The following SAMD11 variants were observed in gnomAD, a reference collection of about 807,000 sequenced individuals.
SAMD11 encodes the protein sterile alpha motif domain-containing protein 11.
SAMD11 carries 77 observed loss-of-function variants against 64.4 expected under a neutral mutation model. That is an observed-to-expected ratio of 1.20 (90% CI 0.99 to 1.44). The LOEUF (loss-of-function observed/expected upper bound fraction) is 1.44, where lower values mean the gene tolerates loss of function less well. Among genes scored for constraint, SAMD11 ranks in the 40% most tolerant of loss-of-function variants. SAMD11 has a pLI of 0.00. For missense variants in SAMD11, 1,402 were observed against 943.3 expected, an observed-to-expected ratio of 1.49 and a Z score of -6.37; for synonymous variants, 658 against 421.9, an observed-to-expected ratio of 1.56 and a Z score of -6.86.
At position 942,766 on chromosome 1, in the gene SAMD11, C is replaced by T; in HGVS notation, c.1761C>T (p.Ser587=). 2.6e-6 allele frequency: 4 copies of T among 1,531,780 alleles called. 1 individual carries two copies. In the South Asian group the frequency reaches 3.6e-5, roughly 14 times the overall value. The allele number at this position is 1,531,780 out of a possible 1,614,324, so 94.9% of individuals were successfully genotyped here. Residue 587 remains serine (S), a synonymous_variant, in exon 11 of 14, where the codon TCC becomes TCT. Transcript: ENST00000616016. ...GPPGSGPPTP[S]RDSARRAPRK... ...CGGGCTCCGGACCCCCCACCCCGTC[C>T]CGGGACTCTGCCCGGCGAGCCCCCC...
At chr1:938,104 G>A (rs1327434932) in intron 5 of SAMD11, among the ~76,000 whole-genome samples, 1 of 152,130 alleles carries the variant, frequency 6.6e-6, no homozygotes, top group Non-Finnish European at 1.5e-5. Flanking sequence ...GACCCCCAGG[G>A]CGTGGAGTCA....
rs373443477 is a variant in SAMD11, at chr1:944,015, G to A, written c.2397G>A (p.Glu799=). Residue 799 remains glutamate, a synonymous_variant, in exon 14 of 14, where the codon GAG becomes GAA. Coordinates refer to ENST00000616016, the MANE Select transcript of SAMD11 (RefSeq NM_001385641.1). ...RAPERELGTG[E]QPLSPTTATS... is the part of the protein sequence containing the mutation. ...CGGAGCGAGAACTCGGCACAGGAGA[G>A]CAGCCCTTGTCCCCCACGACGGCCA... is the stretch of plus-strand genomic sequence containing the variant. The A allele has an allele frequency of 5.0e-6, 8 of 1,612,806 alleles. No individual in the cohort carries two copies. The highest frequency in any genetic ancestry group is 3.3e-5 in the South Asian group (3 of 91,090).
At chr1:935,248 C>T (rs1188981313) in intron 4 of SAMD11, among the ~76,000 whole-genome samples, 11 of 152,144 alleles carry the variant, frequency 7.2e-5, no homozygotes, top group Admixed American at 6.5e-4. Context: ...GCGAGCTGCA[C>T]GTGTCTGCCG....
chr1:943,870 G>A lies in SAMD11; in HGVS notation c.2290-38G>A, dbSNP rs955946987. Reference sequence around the variant, plus strand: ...CACAGCTGGGCAGAAAGCTCTGGGTGGGTGTGCGACAGCCCCCACCAGGCC... The same window carrying A: ...CACAGCTGGGCAGAAAGCTCTGGGTAGGTGTGCGACAGCCCCCACCAGGCC... On this transcript the variant is annotated intron_variant, in intron 13 of 13. Transcript: ENST00000616016. The A allele has an allele frequency of 3.1e-6, 5 of 1,612,880 alleles. No individual in the cohort carries two copies. The African/African-American group carries it at 6.7e-5, about 22-fold the overall frequency.
chr1:927,058 T>G (rs1280170229), intron 2 of SAMD11, among the ~76,000 whole-genome samples: 1 of 152,064 alleles, frequency 6.6e-6, no homozygotes, highest in East Asian at 1.9e-4. Flanking sequence ...CCCTCAGACA[T>G]ACAGCATGTT....
rs149145706 is a variant in SAMD11, at chr1:935,872, C to T, written c.943C>T (p.Leu315=). The T allele has an allele frequency of 8.9e-5, 143 of 1,612,750 alleles. No individual in the cohort carries two copies. The highest frequency in any genetic ancestry group is 1.6e-4 in the Middle Eastern group (1 of 6,076). ...CCGCTGTGAATTCCAGAGAGGCAGC[C>T]TGGAGATTGGCCTGCGACCCGCCGG... is the stretch of plus-strand genomic sequence containing the variant. ...QSRCEFQRGS[L]EIGLRPAGDL... The change falls in exon 5 of 14, where the codon CTG becomes TTG. Residue 315 remains leucine (L), a synonymous_variant. Coordinates refer to ENST00000616016, the MANE Select transcript of SAMD11 (RefSeq NM_001385641.1).
Position 939,332 on chromosome 1 carries a change from G to C in SAMD11, c.1115G>C (p.Arg372Pro). Residue 372 changes from arginine to proline, a missense_variant, in exon 7 of 14, where the codon CGC becomes CCC. Transcript: ENST00000616016. ...AGCATGGCCCCGGAGGACCATTACC[G>C]CCGGCTTGTGTCAGCACTGAGCGAG... ...GPSMAPEDHYRRLVSALSEAS... is the reference protein window; with the variant it reads ...GPSMAPEDHYPRLVSALSEAS... The C allele has an allele frequency of 6.2e-7, 1 of 1,611,926 alleles. No homozygotes were observed. The highest frequency in any genetic ancestry group is 8.5e-7 in the Non-Finnish European group (1 of 1,179,644).
At chr1:925,474 T>A (rs57816555) in intron 1 of SAMD11, among the ~76,000 whole-genome samples, 1 of 151,806 alleles carries the variant, frequency 6.6e-6, no homozygotes, top group South Asian at 2.1e-4. Flanking sequence ...ACACAGGGGG[T>A]GCGGTGAGCG....
intron 2 of SAMD11, among the ~76,000 whole-genome samples, chr1:927,133 G>T (rs1640933449): frequency 6.6e-6 from 1 of 152,202 alleles, no homozygotes; most frequent in South Asian, 2.1e-4. Context: ...ATCCGACATG[G>T]ACCTGCACGC....
chr1:944,506 A>ACCAGC lies in SAMD11; in HGVS notation c.*369_*373dup, dbSNP rs534332180. On this transcript the variant is annotated 3_prime_UTR_variant, in exon 14 of 14. Transcript: ENST00000616016. ...ACAGCTGTGGGGCTTCAGCAGCCAC[A>ACCAGC]CCAGCCCAGCCCAGCCCAGCTCTCG... The ACCAGC allele has an allele frequency of 5.5e-4, 348 of 636,446 alleles. 1 individual carries two copies. Among genetic ancestry groups the ACCAGC allele is most frequent in the African/African-American group, 3.3e-3 (176 of 53,430 alleles). The allele number at this position is 636,446 out of a possible 1,614,324, so 39.4% of individuals were successfully genotyped here.
rs776691678 is a variant in SAMD11 at position 941,170 on chromosome 1, G to A, written c.1222G>A (p.Ala408Thr). 15 of 1,601,640 alleles carry A rather than the reference G, an allele frequency of 9.4e-6. 1 individual carries two copies. The South Asian group carries it at 1.5e-4, about 16-fold the overall frequency. ...TCTCCTGAGGGTCCGGCAGGAGGTGGCGGCTGCAGCTCTGAGGGGCCCCAG... is the reference window on the plus strand; with the variant it reads ...TCTCCTGAGGGTCCGGCAGGAGGTGACGGCTGCAGCTCTGAGGGGCCCCAG... ...HDLLRVRQEV[A>T]AAALRGPSGL... The change falls in exon 8 of 14, where the codon GCG becomes ACG. Residue 408 changes from alanine to threonine, a missense_variant. Physicochemically the swap from Ala to Thr is moderately conservative, Grantham distance 58 (BLOSUM62 0). Transcript: ENST00000616016.
intron 7 of SAMD11, among the ~76,000 whole-genome samples, chr1:940,822 T>C (rs1053791106): frequency 3.3e-5 from 5 of 152,178 alleles, no homozygotes; most frequent in Non-Finnish European, 7.4e-5. Context: ...ACTCTCTCGC[T>C]GCCCCGCAGG....
At position 939,299 on chromosome 1, in the gene SAMD11, T is replaced by C; in HGVS notation, c.1082T>C (p.Leu361Pro). ...PQEALLLPRE[L>P]GPSMAPEDHY... ...GAGGCGCTGCTGCTGCCGCGGGAGC[T>C]GGGGCCCAGCATGGCCCCGGAGGAC... is the stretch of plus-strand genomic sequence containing the variant. Residue 361 changes from leucine (L) to proline (P), a missense_variant, in exon 7 of 14, where the codon CTG becomes CCG. Coordinates refer to ENST00000616016, the MANE Select transcript of SAMD11 (RefSeq NM_001385641.1). 6.2e-7 allele frequency: 1 copy of C among 1,609,524 alleles called. No individual in the cohort carries two copies. Among genetic ancestry groups the C allele is most frequent in the Non-Finnish European group, 8.5e-7 (1 of 1,178,670 alleles).
Position 942,757 on chromosome 1 carries a change from C to G in SAMD11, c.1752C>G (p.Pro584=), listed in dbSNP as rs992819326. The change falls in exon 11 of 14, where the codon CCC becomes CCG. Residue 584 remains proline (P), a synonymous_variant. Coordinates refer to ENST00000616016, the MANE Select transcript of SAMD11 (RefSeq NM_001385641.1). ...PPQGPPGSGP[P]TPSRDSARRA... is the part of the protein sequence containing the mutation. ...AGGGGCCCCCGGGCTCCGGACCCCC[C>G]ACCCCGTCCCGGGACTCTGCCCGGC... is the stretch of plus-strand genomic sequence containing the variant. 7 of 1,518,174 alleles carry G rather than the reference C, an allele frequency of 4.6e-6. No individual in the cohort carries two copies. Among genetic ancestry groups the G allele is most frequent in the South Asian group, 1.2e-5 (1 of 81,576 alleles). The allele number at this position is 1,518,174 out of a possible 1,614,324, so 94.0% of individuals were successfully genotyped here. A position where few individuals can be genotyped will look rare whatever the true frequency, so the allele number is the denominator to read the frequency against.
chr1:942,298 C>A, intron 9 of SAMD11, 47 bp downstream of exon 9: 1 of 1,032,436 alleles, frequency 9.7e-7, no homozygotes, highest in Non-Finnish European at 1.3e-6. Flanking sequence ...TGGAGGCTCG[C>A]GGACCCGGCC....
chr1:936,015 T>A, intron 5 of SAMD11, 119 bp downstream of exon 5: 1 of 1,063,366 alleles, frequency 9.4e-7, no homozygotes, highest in Non-Finnish European at 1.4e-6. Context: ...GAGCGGCCTG[T>A]CCCCCAGGGG....
rs566461417 is a variant in SAMD11, at chr1:928,285, G to A, written c.610-1870G>A. Reference sequence around the variant, plus strand: ...CGGGTGCCTGTAGTCCCAGCTACTTGGGAGGCTGAGGCAGGAGAATGGCAT... The same window carrying A: ...CGGGTGCCTGTAGTCCCAGCTACTTAGGAGGCTGAGGCAGGAGAATGGCAT... On this transcript the variant is annotated intron_variant, in intron 2 of 13. Coordinates refer to ENST00000616016, the MANE Select transcript of SAMD11 (RefSeq NM_001385641.1). 3.7e-3 allele frequency among the ~76,000 whole-genome samples: 567 copies of A among 152,336 alleles called. 4 individuals are homozygous for A. The highest frequency in any genetic ancestry group is 5.4e-3 in the Admixed American group (82 of 15,304).
chr1:932,260 TC>T (rs1300945646), intron 4 of SAMD11, among the ~76,000 whole-genome samples: 1 of 151,902 alleles, frequency 6.6e-6, no homozygotes, highest in African/African-American at 2.4e-5. Flanking sequence ...CCAGCCGCGG[TC>T]CCCCCGACCC....
In SAMD11 at chr1:943,029, C is replaced by T. The variant is rs181205550; in HGVS notation, c.2024C>T (p.Pro675Leu). 78 of 1,530,958 alleles carry T rather than the reference C, an allele frequency of 5.1e-5. No homozygotes were observed. Among genetic ancestry groups the T allele is most frequent in the Middle Eastern group, 1.8e-4 (1 of 5,666 alleles). 94.8% of individuals were successfully genotyped at this position (1,530,958 alleles called of 1,614,324 possible). The part of the protein sequence containing the change: ...FPGSTLPLGF[P>L]YAVSPYFHTG... ...GGGTCCACACTGCCCCTGGGCTTCCCTTATGCCGTCAGCCCCTACTTCCAC... is the reference window on the plus strand; with the variant it reads ...GGGTCCACACTGCCCCTGGGCTTCCTTTATGCCGTCAGCCCCTACTTCCAC... The change falls in exon 11 of 14, where the codon CCT becomes CTT. Residue 675 changes from proline (P) to leucine (L), a missense_variant. By Grantham distance (98) the Pro-to-Leu change is moderately conservative. Coordinates refer to ENST00000616016, the MANE Select transcript of SAMD11 (RefSeq NM_001385641.1).
Sources: allele counts gnomAD v4.1 joint callset (sites outside exome capture counted in the v4.1 genomes callset), GRCh38; gene constraint gnomAD v4.1.1; transcripts MANE v1.5; gene names NCBI Gene and HGNC (gene_info 2026-07-23, HGNC 2026-07-21).